SUGCT: variants seen among roughly 807,000 people sequenced by gnomAD.
SUGCT encodes succinyl-CoA:glutarate-CoA transferase.
Under a neutral mutation model 55.0 loss-of-function variants are expected in SUGCT, and 41 were observed. The observed-to-expected ratio is 0.74, with a 90% CI of 0.58 to 0.97. The LOEUF is 0.97. Among genes scored for constraint, SUGCT ranks in the 50% least tolerant of loss-of-function variants. SUGCT has a pLI of 0.00. For missense variants in SUGCT, 568 were observed against 547.8 expected, an observed-to-expected ratio of 1.04 and a Z score of -0.37; for synonymous variants, 187 against 200.4, an observed-to-expected ratio of 0.93 and a Z score of 0.56.
At chr7:40,339,116 T>C (rs960909173) in intron 9 of SUGCT, among the ~76,000 whole-genome samples, 7 of 152,144 alleles carry the variant, frequency 4.6e-5, no homozygotes, top group Admixed American at 4.6e-4. Context: ...AAGCTTTGTC[T>C]CAGAGGGGTA....
intron 12 of SUGCT, chr7:40,683,922 G>A: frequency 1.5e-6 from 2 of 1,291,874 alleles, no homozygotes; most frequent in Non-Finnish European, 2.1e-6. Context: ...TAAAATCAAG[G>A]TGCTGGCAGA....
intron 13 of SUGCT, among the ~76,000 whole-genome samples, chr7:40,852,965 A>G (rs1793929627): frequency 6.6e-6 from 1 of 152,114 alleles, no homozygotes; most frequent in Non-Finnish European, 1.5e-5. Context: ...AACAGCTTTT[A>G]TCAGCCTTTC....
the SUGCT span, among the ~76,000 whole-genome samples, chr7:41,036,543 C>A: frequency 1.9e-3 from 296 of 152,260 alleles, 2 homozygotes; most frequent in African/African-American, 6.6e-3. Flanking sequence ...TTCCTCCACT[C>A]CCTTGACTGT....
chr7:40,328,145 A>G (rs1796109762), intron 9 of SUGCT, among the ~76,000 whole-genome samples: 1 of 152,208 alleles, frequency 6.6e-6, no homozygotes, highest in South Asian at 2.1e-4. Context: ...CCCCTTTAGG[A>G]CTGCCAAGAG....
chr7:40,241,471 C>T (rs556147996), intron 7 of SUGCT, among the ~76,000 whole-genome samples: 28 of 150,560 alleles, frequency 1.9e-4, no homozygotes, highest in African/African-American at 6.1e-4. Context: ...CCCAGCCACC[C>T]GGAAGGCTGA....
intron 12 of SUGCT, among the ~76,000 whole-genome samples, chr7:40,742,512 C>T (rs1157826510): frequency 6.6e-6 from 1 of 152,124 alleles, no homozygotes; most frequent in Non-Finnish European, 1.5e-5. Context: ...CAATAGGCTT[C>T]CCGCTCCTAT....
intron 7 of SUGCT, among the ~76,000 whole-genome samples, chr7:40,250,302 A>AGG (rs1035474722): frequency 2.0e-5 from 3 of 152,060 alleles, no homozygotes; most frequent in East Asian, 3.9e-4. Flanking sequence ...CTGGAGGCTA[A>AGG]GGTGGGAGGA....
chr7:40,355,659 A>G (rs1307373336), intron 9 of SUGCT, among the ~76,000 whole-genome samples: 5 of 152,232 alleles, frequency 3.3e-5, no homozygotes, highest in African/African-American at 1.2e-4. Flanking sequence ...ATAATTTAGT[A>G]TTATTTATAA....
At chr7:40,907,662 C>T in the SUGCT span, among the ~76,000 whole-genome samples, 18 of 151,950 alleles carry the variant, frequency 1.2e-4, no homozygotes, top group Admixed American at 1.1e-3. Flanking sequence ...TAGCAAGTTA[C>T]AGAAAGGCCT....
chr7:40,185,157 G>A (rs916234672), intron 3 of SUGCT, among the ~76,000 whole-genome samples: 4 of 152,214 alleles, frequency 2.6e-5, no homozygotes, highest in Admixed American at 2.6e-4. Flanking sequence ...GGATACATGC[G>A]GAAGAATGTT....
chr7:40,214,788 C>G (rs1369940506), intron 6 of SUGCT, among the ~76,000 whole-genome samples: 1 of 151,936 alleles, frequency 6.6e-6, no homozygotes, highest in African/African-American at 2.4e-5. Context: ...GTGGCATGTG[C>G]CTGTAGTCCC....
At chr7:40,902,538 C>G in the SUGCT span, among the ~76,000 whole-genome samples, 1 of 142,528 alleles carries the variant, frequency 7.0e-6, no homozygotes, top group African/African-American at 2.6e-5. Flanking sequence ...TGAGATCCCG[C>G]CACTGCACTC....
At chr7:40,722,124 A>G (rs1786372404) in intron 12 of SUGCT, among the ~76,000 whole-genome samples, 1 of 152,058 alleles carries the variant, frequency 6.6e-6, no homozygotes, top group East Asian at 1.9e-4. Flanking sequence ...TTGACAGGGT[A>G]GAGGACCTCC....
chr7:40,220,414 A>T (rs1208192895), intron 6 of SUGCT, among the ~76,000 whole-genome samples: 1 of 152,210 alleles, frequency 6.6e-6, no homozygotes, highest in East Asian at 1.9e-4. Flanking sequence ...TATCAGGAGG[A>T]AAGTTGTTAT....
At chr7:40,229,746 G>A (rs993551236) in intron 6 of SUGCT, among the ~76,000 whole-genome samples, 4 of 151,000 alleles carry the variant, frequency 2.6e-5, no homozygotes, top group Non-Finnish European at 5.9e-5. Flanking sequence ...CCTGGGAGTT[G>A]GAAGCTGCAG....
the SUGCT span, among the ~76,000 whole-genome samples, chr7:40,997,491 C>T: frequency 6.6e-6 from 1 of 152,108 alleles, no homozygotes; most frequent in Non-Finnish European, 1.5e-5. Flanking sequence ...GCTCATGGTT[C>T]ACTTACCACC....
intron 11 of SUGCT, among the ~76,000 whole-genome samples, chr7:40,494,022 G>C (rs1791840907): frequency 6.6e-6 from 1 of 152,150 alleles, no homozygotes; most frequent in African/African-American, 2.4e-5. Flanking sequence ...CTCATTTCCA[G>C]AGTGCATCCA....
intron 12 of SUGCT, among the ~76,000 whole-genome samples, chr7:40,553,131 C>T (rs1167201642): frequency 1.3e-5 from 2 of 152,128 alleles, no homozygotes; most frequent in East Asian, 3.9e-4. Context: ...GACTTGTGTT[C>T]CCCATTCAAA....
intron 12 of SUGCT, among the ~76,000 whole-genome samples, chr7:40,721,927 T>C (rs1013423245): frequency 6.6e-6 from 1 of 152,200 alleles, no homozygotes; most frequent in Admixed American, 6.5e-5. Flanking sequence ...AAGAATGTCC[T>C]TTCATAGGAG....
Sources: gnomAD v4.1 joint callset for allele counts (sites outside exome capture counted in the v4.1 genomes callset) on GRCh38, gnomAD v4.1.1 for gene constraint, MANE v1.5 for transcripts, NCBI Gene and HGNC (gene_info 2026-07-23, HGNC 2026-07-21) for gene names.